RMST: variants seen among roughly 807,000 people sequenced by gnomAD.
The protein encoded by RMST is rhabdomyosarcoma 2 associated transcript.
chr12:97,486,303 C>T (rs185844819), intron 5 of RMST, among the ~76,000 whole-genome samples: 1 of 151,688 alleles, frequency 6.6e-6, no homozygotes, highest in East Asian at 1.9e-4. Context: ...AAATTCTAAT[C>T]AGAAATCTGT....
chr12:97,557,988 A>AT (rs970689917), intron 11 of RMST, among the ~76,000 whole-genome samples: 1 of 151,880 alleles, frequency 6.6e-6, no homozygotes, highest in African/African-American at 2.4e-5. Context: ...TAAAAAAATG[A>AT]TTTTTACATG....
At chr12:97,550,699 C>A (rs1565938254) in intron 11 of RMST, among the ~76,000 whole-genome samples, 1 of 152,164 alleles carries the variant, frequency 6.6e-6, no homozygotes, top group Non-Finnish European at 1.5e-5. Context: ...GCAATTGGAA[C>A]TATTTTGCAA....
chr12:97,516,645 T>C (rs1879966468), intron 10 of RMST, among the ~76,000 whole-genome samples: 1 of 152,000 alleles, frequency 6.6e-6, no homozygotes, highest in Non-Finnish European at 1.5e-5. Flanking sequence ...TCTTCCTAAT[T>C]ATATAGAGAA....
chr12:97,514,169 T>A (rs1006336149), intron 10 of RMST, among the ~76,000 whole-genome samples: 1 of 152,206 alleles, frequency 6.6e-6, no homozygotes, highest in Non-Finnish European at 1.5e-5. Flanking sequence ...CTTTGGATTC[T>A]ATGACTCTGA....
chr12:97,524,736 G>A (rs2136565143), intron 10 of RMST, among the ~76,000 whole-genome samples: 1 of 152,260 alleles, frequency 6.6e-6, no homozygotes, highest in East Asian at 1.9e-4. Flanking sequence ...GTCTGTGACT[G>A]GGAGCTGAAC....
In RMST at chr12:97,554,727, G is replaced by C. The variant is rs561245233; in HGVS notation, n.1546-5810G>C. Among the ~76,000 whole-genome samples, 3 of 152,030 alleles carry C rather than the reference G, an allele frequency of 2.0e-5. No homozygotes were observed. In the East Asian group the frequency reaches 5.8e-4, roughly 29 times the overall value. ...TGATCTTGCTCTTTCCCTTTTTTGG[G>C]GTACTTGATATTATGAAATGTTTTG... On this transcript the variant is annotated intron_variant and non_coding_transcript_variant, in intron 11 of 13. Transcript: ENST00000640149.
At chr12:97,552,178 A>G (rs1343362345) in intron 11 of RMST, 2 of 152,176 alleles carry the variant, frequency 1.3e-5, no homozygotes, top group Non-Finnish European at 2.9e-5. Context: ...TAATGATACT[A>G]ATGACTGAAG....
chr12:97,491,488 A>C (rs1876806245), intron 5 of RMST, among the ~76,000 whole-genome samples: 1 of 152,218 alleles, frequency 6.6e-6, no homozygotes, highest in Non-Finnish European at 1.5e-5. Context: ...ATTACCTTTT[A>C]ACCCGTTTGT....
At chr12:97,512,717 G>A (rs1879500896) in intron 10 of RMST, among the ~76,000 whole-genome samples, 1 of 152,248 alleles carries the variant, frequency 6.6e-6, no homozygotes. Flanking sequence ...AGCCCAGCGG[G>A]CTTTACCCAG....
In RMST at chr12:97,489,761, T is replaced by C. The variant is rs140878968; in HGVS notation, n.645-2700T>C. ...GCTAGTCTATATAAACTAAATATAATAATAACAATAGTTCATATTTATCAA... is the reference window on the plus strand; with the variant it reads ...GCTAGTCTATATAAACTAAATATAACAATAACAATAGTTCATATTTATCAA... On this transcript the variant is annotated intron_variant and non_coding_transcript_variant, in intron 5 of 13. Coordinates refer to ENST00000640149, the Ensembl canonical transcript of RMST. 5.2e-3 allele frequency among the ~76,000 whole-genome samples: 787 copies of C among 152,332 alleles called. 3 individuals are homozygous for C. Among genetic ancestry groups the C allele is most frequent in the African/African-American group, 0.017 (706 of 41,580 alleles).
chr12:97,543,569 G>A (rs1273028392), intron 11 of RMST, among the ~76,000 whole-genome samples: 1 of 151,964 alleles, frequency 6.6e-6, no homozygotes, highest in Non-Finnish European at 1.5e-5. Context: ...GCATAATATG[G>A]AGGTTTTCTT....
At position 97,535,849 on chromosome 12, in the gene RMST, G is replaced by A. The variant is rs17027143; in HGVS notation, n.1545+4990G>A. On this transcript the variant is annotated intron_variant and non_coding_transcript_variant, in intron 11 of 13. Coordinates refer to ENST00000640149, the Ensembl canonical transcript of RMST. ...TAGAGTGCTTTGAGTAATACACTGG[G>A]TCACCCATGCAATGAACATTACTCA... Among the ~76,000 whole-genome samples, 558 of 151,664 alleles carry A rather than the reference G, an allele frequency of 3.7e-3. 6 individuals are homozygous for A. Among genetic ancestry groups the A allele is most frequent in the African/African-American group, 0.013 (536 of 41,456 alleles).
At chr12:97,504,951 G>T (rs1339894612) in intron 10 of RMST, among the ~76,000 whole-genome samples, 3 of 152,100 alleles carry the variant, frequency 2.0e-5, no homozygotes, top group Non-Finnish European at 4.4e-5. Context: ...ATATAAAAAG[G>T]ATTATCTTCC....
At chr12:97,527,124 A>G (rs1400690879) in intron 10 of RMST, among the ~76,000 whole-genome samples, 1 of 152,154 alleles carries the variant, frequency 6.6e-6, no homozygotes, top group Non-Finnish European at 1.5e-5. Flanking sequence ...AAACTAATAT[A>G]CATATGAGGC....
chr12:97,484,808 CAG>C (rs1333289739), intron 5 of RMST, among the ~76,000 whole-genome samples: 4 of 152,170 alleles, frequency 2.6e-5, no homozygotes, highest in Non-Finnish European at 4.4e-5. Flanking sequence ...ATATAATTTA[CAG>C]AGTCTTCCTT....
chr12:97,496,218 A>G (rs1463378985), intron 10 of RMST, among the ~76,000 whole-genome samples: 1 of 152,048 alleles, frequency 6.6e-6, no homozygotes, highest in African/African-American at 2.4e-5. Context: ...GGATGCAAAA[A>G]TTTCACTTTT....
chr12:97,547,370 C>T (rs999606523), intron 11 of RMST, among the ~76,000 whole-genome samples: 1 of 151,856 alleles, frequency 6.6e-6, no homozygotes, highest in Non-Finnish European at 1.5e-5. Context: ...CTCTTTGACT[C>T]TTTGACATAT....
At chr12:97,528,120 G>C (rs1881291087) in intron 10 of RMST, among the ~76,000 whole-genome samples, 2 of 152,012 alleles carry the variant, frequency 1.3e-5, no homozygotes, top group Admixed American at 1.3e-4. Context: ...TACATTTTGA[G>C]ATTAACAATT....
chr12:97,471,620 T>G (rs1873927052), intron 5 of RMST, among the ~76,000 whole-genome samples: 1 of 152,150 alleles, frequency 6.6e-6, no homozygotes, highest in African/African-American at 2.4e-5. Flanking sequence ...TAACCCTAAC[T>G]TTCTATGGTG....
Sources: gnomAD v4.1 joint callset for allele counts (sites outside exome capture counted in the v4.1 genomes callset) on GRCh38, gnomAD v4.1.1 for gene constraint, MANE v1.5 for transcripts, NCBI Gene and HGNC (gene_info 2026-07-23, HGNC 2026-07-21) for gene names.